CKAP2: variants seen among roughly 807,000 people sequenced by gnomAD.
CKAP2 encodes the protein cytoskeleton associated protein 2, also known as cytoskeleton-associated protein 2.
Under a neutral mutation model 58.4 loss-of-function variants are expected in CKAP2, and 46 were observed. That is an observed-to-expected ratio of 0.79 (90% CI 0.62 to 1.01). CKAP2 has a LOEUF of 1.01. Ranked by LOEUF, CKAP2 falls within the 50% of genes least tolerant of loss-of-function variation. The pLI, the probability that CKAP2 is intolerant of heterozygous loss-of-function variation, is 0.00. For missense variants in CKAP2, 809 were observed against 796.4 expected, an observed-to-expected ratio of 1.02 and a Z score of -0.19; for synonymous variants, 293 against 280.9, an observed-to-expected ratio of 1.04 and a Z score of -0.43.
chr13:52,475,357 G>A lies in CKAP2; in HGVS notation c.*216G>A, dbSNP rs74850630. 4,606 of 537,612 alleles carry A rather than the reference G, an allele frequency of 8.6e-3. 141 individuals are homozygous for A. The highest frequency in any genetic ancestry group is 0.073 in the African/African-American group (3,818 of 52,526). 33.3% of individuals were successfully genotyped at this position (537,612 alleles called of 1,614,324 possible). A position where few individuals can be genotyped will look rare whatever the true frequency, so the allele number is the denominator to read the frequency against. On this transcript the variant is annotated 3_prime_UTR_variant, in exon 9 of 9. Transcript: ENST00000258607. ...TACCTTGTCAGTTTCAACCAACTGA[G>A]TTTTTTCTTTAAGAAAGGTAAATTT...
Position 52,461,872 on chromosome 13 carries a change from A to T in CKAP2, c.1046A>T (p.Lys349Ile), listed in dbSNP as rs762531256. 4 of 1,614,050 alleles carry T rather than the reference A, an allele frequency of 2.5e-6. No homozygotes were observed. Among genetic ancestry groups the T allele is most frequent in the Non-Finnish European group, 3.4e-6 (4 of 1,179,994 alleles). ...GACCAGCGAAGACATACTGCAGGAA[A>T]AGCAATTGTTGATAGTAGATCAGCT... The part of the protein sequence containing the change: ...PVDQRRHTAG[K>I]AIVDSRSAQP... The change falls in exon 4 of 9, where the codon AAA (lysine) becomes ATA (isoleucine). Residue 349 changes from lysine to isoleucine, a missense_variant. Around this residue, in one of 3 missense-constraint regions of CKAP2, gnomAD observed 523 missense variants for 492.4 expected, o/e 1.06. Coordinates refer to ENST00000258607, the MANE Select transcript of CKAP2 (RefSeq NM_018204.5).
In CKAP2 at chr13:52,460,956, G is replaced by A; in HGVS notation, c.213G>A (p.Leu71=). The A allele has an allele frequency of 6.2e-7, 1 of 1,613,484 alleles. No homozygotes were observed. The highest frequency in any genetic ancestry group is 8.5e-7 in the Non-Finnish European group (1 of 1,179,926). ...AAGTTCAAGAAGGGACTAAAGTGCT[G>A]AAACTTAAAACAAAAATGGTAAGAT... is the stretch of plus-strand genomic sequence containing the variant. ...EDQVQEGTKV[L]KLKTKMADKE... is the part of the protein sequence containing the mutation. Residue 71 remains leucine (L), a synonymous_variant, in exon 3 of 9, where the codon CTG becomes CTA. Coordinates refer to ENST00000258607, the MANE Select transcript of CKAP2 (RefSeq NM_018204.5).
At chr13:52,455,760 G>A (rs1018047323) in intron 1 of CKAP2, 134 bp downstream of exon 1, 4 of 1,074,086 alleles carry the variant, frequency 3.7e-6, no homozygotes, top group Non-Finnish European at 5.0e-6. Flanking sequence ...ACGCGGCGTC[G>A]GCCTCGCCCT....
Position 52,461,465 on chromosome 13 carries a change from A to G in CKAP2, c.639A>G (p.Lys213=), listed in dbSNP as rs776651048. 1 of 1,614,192 alleles carries G rather than the reference A, an allele frequency of 6.2e-7. No homozygotes were observed. The highest frequency in any genetic ancestry group is 2.2e-5 in the East Asian group (1 of 44,886). The part of the protein sequence containing the change: ...ATKKLSATIP[K]ATKPQPVNTS... ...AGAAACTTTCAGCCACTATACCTAA[A>G]GCCACAAAACCTCAGCCTGTAAACA... Residue 213 remains lysine (K), a synonymous_variant, in exon 4 of 9, where the codon AAA becomes AAG. Coordinates refer to ENST00000258607, the MANE Select transcript of CKAP2 (RefSeq NM_018204.5).
In CKAP2 at chr13:52,465,277, T is replaced by A. The variant is rs903373216; in HGVS notation, c.1306-18T>A. The A allele has an allele frequency of 6.3e-7, 1 of 1,596,900 alleles. No homozygotes were observed. The highest frequency in any genetic ancestry group is 8.5e-7 in the Non-Finnish European group (1 of 1,172,890). The stretch of plus-strand genomic sequence containing the variant: ...GTAAGCTAAAAAATATTACACACAT[T>A]TTTTCTTGCTTTTTTAGGGATGTCC... On this transcript the variant is annotated intron_variant, in intron 5 of 8. Coordinates refer to ENST00000258607, the MANE Select transcript of CKAP2 (RefSeq NM_018204.5).
rs76087725 is a variant in CKAP2 at position 52,456,036 on chromosome 13, T to C, written c.70+410T>C. 1,055 of 1,040,356 alleles carry C rather than the reference T, an allele frequency of 1.0e-3. 11 individuals carry two copies. In the African/African-American group the frequency reaches 0.014, roughly 14 times the overall value. 64.4% of individuals were successfully genotyped at this position (1,040,356 alleles called of 1,614,324 possible). On this transcript the variant is annotated intron_variant, in intron 1 of 8. Transcript: ENST00000258607. ...GAATTTCTGCAGGGCTGGGGTCGCA[T>C]CATGTGTTATTTCCAATTTCACAGC...
intron 7 of CKAP2, among the ~76,000 whole-genome samples, chr13:52,471,547 A>G (rs1958761810): frequency 6.6e-6 from 1 of 151,994 alleles, no homozygotes; most frequent in African/African-American, 2.4e-5. Context: ...AACAAGCACC[A>G]CGTGGGTGTT....
chr13:52,473,808 C>A (rs1456791003), intron 7 of CKAP2, 21 bp from the exon 8 acceptor site: 1 of 1,573,746 alleles, frequency 6.4e-7, no homozygotes, highest in Non-Finnish European at 8.6e-7. Flanking sequence ...AAAGCTTAAT[C>A]TATAAATGTA....
At chr13:52,457,236 G>A (rs80348943) in intron 2 of CKAP2, among the ~76,000 whole-genome samples, 11,538 of 152,046 alleles carry the variant, frequency 0.076, 597 homozygotes, top group African/African-American at 0.14. Context: ...CAGTCTAAGA[G>A]AAAAAAACAA....
rs1033059602 is a variant in CKAP2 at position 52,475,326 on chromosome 13, T to A, written c.*185T>A. ...AGAGTTGTCCTCTACATTGGAAAGC[T>A]AATCCTACCTTGTCAGTTTCAACCA... On this transcript the variant is annotated 3_prime_UTR_variant, in exon 9 of 9. Transcript: ENST00000258607. The A allele has an allele frequency of 1.4e-6, 1 of 690,282 alleles. No homozygotes were observed. Among genetic ancestry groups the A allele is most frequent in the Middle Eastern group, 4.2e-4 (1 of 2,360 alleles). The allele number at this position is 690,282 out of a possible 1,614,324, so 42.8% of individuals were successfully genotyped here. A position where few individuals can be genotyped will look rare whatever the true frequency, so the allele number is the denominator to read the frequency against.
At chr13:52,466,016 C>T (rs1566102273) in intron 6 of CKAP2, among the ~76,000 whole-genome samples, 1 of 151,258 alleles carries the variant, frequency 6.6e-6, no homozygotes, top group African/African-American at 2.4e-5. Flanking sequence ...CACACATACA[C>T]ATATATACAC....
At chr13:52,458,735 C>T (rs960198682) in intron 2 of CKAP2, among the ~76,000 whole-genome samples, 2 of 151,752 alleles carry the variant, frequency 1.3e-5, no homozygotes, top group Non-Finnish European at 2.9e-5. Flanking sequence ...TGGTGTCAGG[C>T]GCCTGTAATT....
In CKAP2 at chr13:52,461,191, A is replaced by T. The variant is rs746670021; in HGVS notation, c.365A>T (p.Asp122Val). The T allele has an allele frequency of 2.5e-6, 4 of 1,614,078 alleles. No individual in the cohort carries two copies. The highest frequency in any genetic ancestry group is 2.5e-6 in the Non-Finnish European group (3 of 1,180,014). ...TVVIDTHKPK[D>V]SNQTPHLLLT... is the part of the protein sequence containing the mutation. ...GTAATTGACACACATAAACCTAAGG[A>T]TAGTAATCAAACTCCGCATTTGTTA... Residue 122 changes from aspartate (D) to valine (V), a missense_variant, in exon 4 of 9, where the codon GAT becomes GTT. Physicochemically the swap from Asp to Val is radical, Grantham distance 152. Around this residue, in one of 3 missense-constraint regions of CKAP2, gnomAD observed 523 missense variants for 492.4 expected, o/e 1.06. Transcript: ENST00000258607.
intron 6 of CKAP2, among the ~76,000 whole-genome samples, chr13:52,467,328 C>A (rs1958695143): frequency 6.6e-6 from 1 of 152,072 alleles, no homozygotes; most frequent in African/African-American, 2.4e-5. Context: ...TTCAGAGATA[C>A]ATTTCATAGC....
intron 4 of CKAP2, 32 bp downstream of exon 4, chr13:52,461,958 G>C (rs777413181): frequency 2.6e-6 from 4 of 1,516,194 alleles, no homozygotes; most frequent in Non-Finnish European, 3.5e-6. Context: ...TATTACATTA[G>C]TTTTCAATAA....
intron 5 of CKAP2, 96 bp downstream of exon 5, chr13:52,462,663 TG>T: frequency 1.1e-6 from 1 of 910,410 alleles, no homozygotes; most frequent in East Asian, 2.6e-5. Context: ...TTTGACCAGG[TG>T]ATGTTGGTGA....
At chr13:52,472,872 C>A (rs1407148520) in intron 7 of CKAP2, among the ~76,000 whole-genome samples, 2 of 152,084 alleles carry the variant, frequency 1.3e-5, no homozygotes, top group Non-Finnish European at 2.9e-5. Context: ...TAGTGAGACC[C>A]CATCTCTACA....
At chr13:52,473,661 T>G in intron 7 of CKAP2, 168 bp from the exon 8 acceptor site, 1 of 553,186 alleles carries the variant, frequency 1.8e-6, no homozygotes, top group Non-Finnish European at 3.2e-6. Flanking sequence ...ATAATAGTAT[T>G]TGTTATATAG....
At chr13:52,474,546 C>T (rs1353292308) in intron 8 of CKAP2, among the ~76,000 whole-genome samples, 1 of 152,150 alleles carries the variant, frequency 6.6e-6, no homozygotes, top group Non-Finnish European at 1.5e-5. Context: ...TAGAACATTT[C>T]ACCTCTTAAA....
Sources: gnomAD v4.1 joint callset for allele counts (sites outside exome capture counted in the v4.1 genomes callset) on GRCh38, gnomAD v4.1.1 for gene constraint, gnomAD v4.1.1 regional missense constraint, MANE v1.5 for transcripts, NCBI Gene and HGNC (gene_info 2026-07-23, HGNC 2026-07-21) for gene names.